The following SLA variants were observed in gnomAD, a reference collection of about 807,000 sequenced individuals.
SLA encodes src-like-adapter.
A neutral mutation model predicts 30.3 loss-of-function variants in SLA; 16 were observed. The observed-to-expected ratio is 0.53, with a 90% CI of 0.36 to 0.80. SLA has a LOEUF of 0.80. Among genes scored for constraint, SLA ranks in the 30% least tolerant of loss-of-function variants. The pLI, the probability that SLA is intolerant of heterozygous loss-of-function variation, is 0.01. For synonymous variants in SLA, 143 were observed against 137.8 expected, an observed-to-expected ratio of 1.04 and a Z score of -0.26; for missense variants, 310 against 345.2, an observed-to-expected ratio of 0.90 and a Z score of 0.81.
At chr8:133,059,390 A>G (rs919537946) in intron 3 of SLA, among the ~76,000 whole-genome samples, 8 of 152,148 alleles carry the variant, frequency 5.3e-5, no homozygotes, top group Non-Finnish European at 8.8e-5. Flanking sequence ...AGCATGGTGG[A>G]TTTGATGTTC....
chr8:133,050,982 G>A (rs1276856147), intron 3 of SLA, 67 bp from the exon 4 acceptor site: 6 of 872,476 alleles, frequency 6.9e-6, no homozygotes, highest in East Asian at 2.4e-5. Flanking sequence ...TTAAAGGTAG[G>A]CTTGGGAGGG....
chr8:133,086,354 A>G (rs1846559622), intron 1 of SLA, among the ~76,000 whole-genome samples: 1 of 152,242 alleles, frequency 6.6e-6, no homozygotes, highest in Non-Finnish European at 1.5e-5. Flanking sequence ...TGGTATGTGA[A>G]TTATATCACA....
chr8:133,065,696 A>C (rs1842937873), intron 2 of SLA, among the ~76,000 whole-genome samples: 1 of 152,168 alleles, frequency 6.6e-6, no homozygotes, highest in African/African-American at 2.4e-5. Context: ...CAGTGGGCGG[A>C]GGTGGCAGTG....
chr8:133,057,005 C>G (rs1458263838), intron 3 of SLA, among the ~76,000 whole-genome samples: 1 of 152,176 alleles, frequency 6.6e-6, no homozygotes, highest in African/African-American at 2.4e-5. Flanking sequence ...GATTCTGATG[C>G]AGGTGGTGCG....
intron 7 of SLA, among the ~76,000 whole-genome samples, chr8:133,044,128 A>G (rs574534280): frequency 1.1e-4 from 17 of 152,182 alleles, no homozygotes; most frequent in Non-Finnish European, 2.4e-4. Context: ...GCTAACAGTG[A>G]GTGGATCTGG....
intron 1 of SLA, among the ~76,000 whole-genome samples, chr8:133,082,154 G>T (rs1278612598): frequency 6.6e-6 from 1 of 152,206 alleles, no homozygotes; most frequent in East Asian, 1.9e-4. Flanking sequence ...GTGGTGTTGG[G>T]TGTTGTCAGG....
At chr8:133,080,220 T>A (rs571424496) in intron 1 of SLA, among the ~76,000 whole-genome samples, 1 of 152,146 alleles carries the variant, frequency 6.6e-6, no homozygotes, top group Non-Finnish European at 1.5e-5. Context: ...ATACTTGTGT[T>A]CAAGGAGCAG....
intron 1 of SLA, among the ~76,000 whole-genome samples, chr8:133,100,348 C>G (rs1849052656): frequency 6.6e-6 from 1 of 152,216 alleles, no homozygotes; most frequent in South Asian, 2.1e-4. Context: ...CTCAAACCTC[C>G]TGCCATATTA....
chr8:133,093,929 C>G (rs754092309), intron 1 of SLA, among the ~76,000 whole-genome samples: 1 of 152,116 alleles, frequency 6.6e-6, no homozygotes, highest in Non-Finnish European at 1.5e-5. Context: ...GTGAGTTTGT[C>G]GGAGCCCTCA....
intron 1 of SLA, among the ~76,000 whole-genome samples, chr8:133,081,401 C>G (rs1423026870): frequency 6.6e-6 from 1 of 152,228 alleles, no homozygotes; most frequent in African/African-American, 2.4e-5. Context: ...TGAAAACCAT[C>G]TGGGGGGAGA....
At chr8:133,049,800 G>T in intron 5 of SLA, 102 bp downstream of exon 5, 1 of 842,904 alleles carries the variant, frequency 1.2e-6, no homozygotes, top group Non-Finnish European at 2.1e-6. Context: ...TCTTGACCCA[G>T]TGCCTTCCTT....
At chr8:133,101,181 G>C (rs577867254) in intron 1 of SLA, among the ~76,000 whole-genome samples, 1 of 152,122 alleles carries the variant, frequency 6.6e-6, no homozygotes, top group South Asian at 2.1e-4. Flanking sequence ...CCATACGCAA[G>C]CATCACCTAG....
In SLA at chr8:133,045,106, G is replaced by A; in HGVS notation, c.362C>T (p.Ser121Leu). The A allele has an allele frequency of 6.2e-7, 1 of 1,614,176 alleles. No homozygotes were observed. Among genetic ancestry groups the A allele is most frequent in the Non-Finnish European group, 8.5e-7 (1 of 1,180,016 alleles). Residue 121 changes from serine (S) to leucine (L), a missense_variant, in exon 7 of 9, where the codon TCA becomes TTA. By Grantham distance (145) the Ser-to-Leu change is moderately radical. Transcript: ENST00000338087. Reference protein sequence around the residue: ...RESETKKGFYSLSVRHRQVKH... With the variant: ...RESETKKGFYLLSVRHRQVKH... ...TACCTGCCTGTGTCTCACCGACAGT[G>A]AGTAAAACCCTGCAGGAGGTGGAGG... is the stretch of plus-strand genomic sequence containing the variant.
chr8:133,074,870 G>A lies in SLA; in HGVS notation c.-58C>T, dbSNP rs1844629871. On this transcript the variant is annotated 5_prime_UTR_variant, in exon 2 of 9. Transcript: ENST00000338087. ...CAAAATACCTTCACACACTGGGCAT[G>A]ACTCCTGTGGGAGCTGTCTGCAGAG... 21 of 985,454 alleles carry A rather than the reference G, an allele frequency of 2.1e-5. No individual in the cohort carries two copies. The South Asian group carries it at 9.4e-4, about 44-fold the overall frequency. 61.0% of individuals were successfully genotyped at this position (985,454 alleles called of 1,614,324 possible).
intron 2 of SLA, among the ~76,000 whole-genome samples, chr8:133,072,104 C>T (rs536274405): frequency 6.2e-4 from 95 of 152,240 alleles, no homozygotes; most frequent in African/African-American, 2.2e-3. Context: ...TTAAGTCTCC[C>T]AACTTCACTC....
At chr8:133,053,975 A>G (rs1840895281) in intron 3 of SLA, among the ~76,000 whole-genome samples, 1 of 152,124 alleles carries the variant, frequency 6.6e-6, no homozygotes, top group African/African-American at 2.4e-5. Context: ...CATTAGCCAA[A>G]CGGGACAAAG....
In SLA at chr8:133,055,961, AGATT is replaced by A. The variant is rs1360145752; in HGVS notation, c.61+4135_61+4138del. On this transcript the variant is annotated intron_variant, in intron 3 of 8. Coordinates refer to ENST00000338087, the MANE Select transcript of SLA (RefSeq NM_001045556.3). ...CCTCACGCCTCCCTGTGAGGTTGATAGATTGAAACTACCTTATTTTGAGTATGAG... is the reference window on the plus strand; with the variant it reads ...CCTCACGCCTCCCTGTGAGGTTGATAGAAACTACCTTATTTTGAGTATGAG... Among the ~76,000 whole-genome samples the A allele has an allele frequency of 2.6e-5, 4 of 152,142 alleles. No homozygotes were observed. In the East Asian group the frequency reaches 7.8e-4, roughly 30 times the overall value.
At chr8:133,077,030 C>T (rs544156989) in intron 1 of SLA, among the ~76,000 whole-genome samples, 2 of 152,026 alleles carry the variant, frequency 1.3e-5, no homozygotes, top group Non-Finnish European at 2.9e-5. Context: ...TTGATGGGAC[C>T]GAGGGGCGCA....
intron 2 of SLA, among the ~76,000 whole-genome samples, chr8:133,064,882 T>G (rs897099132): frequency 3.3e-5 from 5 of 151,976 alleles, no homozygotes; most frequent in African/African-American, 1.2e-4. Context: ...GGAAGGAGGG[T>G]AGCCCGAACC....
Sources: allele counts gnomAD v4.1 joint callset (sites outside exome capture counted in the v4.1 genomes callset), GRCh38; gene constraint gnomAD v4.1.1; transcripts MANE v1.5; gene names NCBI Gene and HGNC (gene_info 2026-07-23, HGNC 2026-07-21).